Variants in MCEE observed in about 807,000 individuals in gnomAD.
The protein encoded by MCEE is methylmalonyl-CoA epimerase, mitochondrial.
In MCEE, 6 loss-of-function variants were observed where a neutral mutation model predicts 12.9. The observed-to-expected ratio is 0.47, with a 90% CI of 0.26 to 0.92. The LOEUF (loss-of-function observed/expected upper bound fraction) is 0.92, where lower values mean the gene tolerates loss of function less well. MCEE is among the 40% of genes least tolerant of loss of function. MCEE has a pLI of 0.16. For missense variants in MCEE, 214 were observed against 212.1 expected (o/e 1.01, Z -0.05); for synonymous variants, 78 against 77.9 (o/e 1.00, Z -0.01).
At chr2:71,114,170 T>C (rs967851671) in intron 2 of MCEE, among the ~76,000 whole-genome samples, 3 of 151,620 alleles carry the variant, frequency 2.0e-5, no homozygotes, top group Non-Finnish European at 4.4e-5. Flanking sequence ...GATGACTAAA[T>C]GTGATGTGCT....
intron 2 of MCEE, among the ~76,000 whole-genome samples, chr2:71,111,591 A>G (rs1273393444): frequency 6.6e-6 from 1 of 152,134 alleles, no homozygotes; most frequent in Non-Finnish European, 1.5e-5. Flanking sequence ...GTTCTATTCT[A>G]GCTTCCTAAC....
chr2:71,126,312 C>T (rs1673230901), intron 1 of MCEE, among the ~76,000 whole-genome samples: 1 of 151,560 alleles, frequency 6.6e-6, no homozygotes, highest in African/African-American at 2.4e-5. Flanking sequence ...ACTGCAACCT[C>T]CACCTTCCGG....
Position 71,125,211 on chromosome 2 carries a change from A to ATATATTTTTTTTTTTT in MCEE, c.41-669_41-668insAAAAAAAAAAAATATA. 8.2e-5 allele frequency among the ~76,000 whole-genome samples: 4 copies of ATATATTTTTTTTTTTT among 48,608 alleles called. 1 individual carries two copies. The highest frequency in any genetic ancestry group is 4.1e-4 in the East Asian group (1 of 2,428). 31.9% of individuals were successfully genotyped at this position (48,608 alleles called of 152,430 possible). ...TAAATATATATATATATATATATAT[A>ATATATTTTTTTTTTTT]TTTTTTTTTTTTTTTGAGACGGAGT... On this transcript the variant is annotated intron_variant, in intron 1 of 2. Transcript: ENST00000244217.
intron 2 of MCEE, among the ~76,000 whole-genome samples, chr2:71,121,700 G>C (rs868361465): frequency 2.7e-5 from 4 of 147,274 alleles, no homozygotes; most frequent in South Asian, 2.3e-4. Context: ...GGAGAGGGGG[G>C]AGTGGATTCA....
chr2:71,114,278 A>G (rs1303627116), intron 2 of MCEE, among the ~76,000 whole-genome samples: 2 of 152,130 alleles, frequency 1.3e-5, no homozygotes, highest in Admixed American at 6.5e-5. Flanking sequence ...GCAGCAAACC[A>G]CCATGGCATA....
chr2:71,110,059 C>T lies in MCEE; in HGVS notation c.442G>A (p.Glu148Lys). 6.2e-7 allele frequency: 1 copy of T among 1,613,580 alleles called. No individual in the cohort carries two copies. The highest frequency in any genetic ancestry group is 2.2e-5 in the East Asian group (1 of 44,862). Reference sequence around the variant, plus strand: ...TTTCCATGTGCTCCTATTTTGACCTCTTCACTTAGACTGCGGATCTTCTTT... The same window carrying T: ...TTTCCATGTGCTCCTATTTTGACCTTTTCACTTAGACTGCGGATCTTCTTT... ...KKKKIRSLSEEVKIGAHGKPV... is the reference protein window; with the variant it reads ...KKKKIRSLSEKVKIGAHGKPV... Residue 148 changes from glutamate to lysine, a missense_variant, in exon 3 of 3, where the codon GAG (glutamate) becomes AAG (lysine). Coordinates refer to ENST00000244217, the MANE Select transcript of MCEE (RefSeq NM_032601.4).
intron 2 of MCEE, among the ~76,000 whole-genome samples, chr2:71,114,117 A>C (rs1672945763): frequency 6.6e-6 from 1 of 152,202 alleles, no homozygotes; most frequent in African/African-American, 2.4e-5. Flanking sequence ...AAACAAGGAA[A>C]GTTTGAGAAA....
At position 71,125,270 on chromosome 2, in the gene MCEE, G is replaced by A. The variant is rs1385596910; in HGVS notation, c.41-727C>T. On this transcript the variant is annotated intron_variant, in intron 1 of 2. Coordinates refer to ENST00000244217, the MANE Select transcript of MCEE (RefSeq NM_032601.4). Reference sequence around the variant, plus strand: ...TTCGCCCAGAATGGAGTGAAGTGGCGCGATCTGGGCTCACTGCAACCTCCG... The same window carrying A: ...TTCGCCCAGAATGGAGTGAAGTGGCACGATCTGGGCTCACTGCAACCTCCG... Among the ~76,000 whole-genome samples the A allele has an allele frequency of 5.6e-5, 8 of 141,982 alleles. No homozygotes were observed. The East Asian group carries it at 1.0e-3, about 18-fold the overall frequency. 93.1% of individuals were successfully genotyped at this position (141,982 alleles called of 152,430 possible).
intron 1 of MCEE, among the ~76,000 whole-genome samples, chr2:71,124,818 T>C (rs1673183888): frequency 6.6e-6 from 1 of 152,134 alleles, no homozygotes; most frequent in South Asian, 2.1e-4. Flanking sequence ...ACAATTCATA[T>C]TTACTGGTAA....
At chr2:71,127,514 CAG>C (rs1673261352) in intron 1 of MCEE, among the ~76,000 whole-genome samples, 1 of 152,182 alleles carries the variant, frequency 6.6e-6, no homozygotes, top group Admixed American at 6.5e-5. Flanking sequence ...AGTTTTTAAA[CAG>C]ACTTAAAATT....
At chr2:71,117,940 C>A (rs543649510) in intron 2 of MCEE, among the ~76,000 whole-genome samples, 1 of 150,042 alleles carries the variant, frequency 6.7e-6, no homozygotes, top group East Asian at 1.9e-4. Flanking sequence ...CGTGGGGCTG[C>A]CCTCTTCATC....
rs556897635 is a variant in MCEE, at chr2:71,115,483, A to G, written c.379-5361T>C. Among the ~76,000 whole-genome samples the G allele has an allele frequency of 2.1e-5, 3 of 141,780 alleles. 1 individual carries two copies. The highest frequency in any genetic ancestry group is 6.7e-5 in the Admixed American group (1 of 14,840). 93.0% of individuals were successfully genotyped at this position (141,780 alleles called of 152,430 possible). A position where few individuals can be genotyped will look rare whatever the true frequency, so the allele number is the denominator to read the frequency against. ...TTCAATTTTAAAGCTCTTTTACCATATTTATCCTTCTGTTAGTGTTGCTAT... is the reference window on the plus strand; with the variant it reads ...TTCAATTTTAAAGCTCTTTTACCATGTTTATCCTTCTGTTAGTGTTGCTAT... On this transcript the variant is annotated intron_variant, in intron 2 of 2. Transcript: ENST00000244217.
At chr2:71,114,215 G>A (rs1486408189) in intron 2 of MCEE, among the ~76,000 whole-genome samples, 2 of 152,298 alleles carry the variant, frequency 1.3e-5, no homozygotes, top group Non-Finnish European at 1.5e-5. Flanking sequence ...AGAGCATCAG[G>A]ATAAATAGCT....
intron 1 of MCEE, among the ~76,000 whole-genome samples, chr2:71,126,163 T>C (rs542196081): frequency 1.3e-5 from 2 of 152,210 alleles, no homozygotes; most frequent in Non-Finnish European, 2.9e-5. Flanking sequence ...GAAAATGTTT[T>C]GAAATAGACA....
intron 1 of MCEE, among the ~76,000 whole-genome samples, chr2:71,125,760 C>T (rs1673217764): frequency 6.6e-6 from 1 of 152,148 alleles, no homozygotes; most frequent in Non-Finnish European, 1.5e-5. Flanking sequence ...TCATTAACAA[C>T]AAGAATGGCC....
chr2:71,120,031 T>G (rs939895701), intron 2 of MCEE, among the ~76,000 whole-genome samples: 2 of 149,580 alleles, frequency 1.3e-5, no homozygotes, highest in Admixed American at 1.3e-4. Flanking sequence ...CCAGCATGGG[T>G]GACACAGTGA....
intron 2 of MCEE, among the ~76,000 whole-genome samples, chr2:71,116,342 G>T (rs1277244980): frequency 6.7e-6 from 1 of 150,046 alleles, no homozygotes; most frequent in African/African-American, 2.5e-5. Context: ...AAAAGTGCTG[G>T]GATTACAGGC....
intron 2 of MCEE, among the ~76,000 whole-genome samples, chr2:71,123,642 T>C (rs767064569): frequency 6.6e-6 from 1 of 152,252 alleles, no homozygotes; most frequent in South Asian, 2.1e-4. Flanking sequence ...TGAACATCTA[T>C]AGAAATGTTC....
rs1672908639 is a variant in MCEE, at chr2:71,112,515, A to G, written c.379-2393T>C. 2.2e-5 allele frequency among the ~76,000 whole-genome samples: 3 copies of G among 137,574 alleles called. No individual in the cohort carries two copies. In the South Asian group the frequency reaches 7.2e-4, roughly 33 times the overall value. 90.3% of individuals were successfully genotyped at this position (137,574 alleles called of 152,430 possible). A position where few individuals can be genotyped will look rare whatever the true frequency, so the allele number is the denominator to read the frequency against. ...CAATGGCATGATCTTGGCTTACTGCAGCCTCTGCCTCCTGGGTTCAAGCGA... is the reference window on the plus strand; with the variant it reads ...CAATGGCATGATCTTGGCTTACTGCGGCCTCTGCCTCCTGGGTTCAAGCGA... On this transcript the variant is annotated intron_variant, in intron 2 of 2. Coordinates refer to ENST00000244217, the MANE Select transcript of MCEE (RefSeq NM_032601.4).
Sources: allele counts gnomAD v4.1 joint callset (sites outside exome capture counted in the v4.1 genomes callset), GRCh38; gene constraint gnomAD v4.1.1; transcripts MANE v1.5; gene names NCBI Gene and HGNC (gene_info 2026-07-23, HGNC 2026-07-21).